The following KCNMA1 variants were observed in gnomAD, a reference collection of about 807,000 sequenced individuals.
KCNMA1 encodes the protein Calcium-activated potassium channel subunit alpha-1.
A neutral mutation model predicts 140.0 loss-of-function variants in KCNMA1; 29 were observed. The observed-to-expected ratio is 0.21, with a 90% CI of 0.15 to 0.28. The LOEUF is 0.28. Among genes scored for constraint, KCNMA1 ranks in the 10% least tolerant of loss-of-function variants. The pLI is 1.00. For synonymous variants in KCNMA1, 612 were observed against 611.9 expected, an observed-to-expected ratio of 1.00 and a Z score of 0.00; for missense variants, 880 against 1,602.2, an observed-to-expected ratio of 0.55 and a Z score of 7.70.
chr10:76,951,420 G>T (rs997537949), intron 21 of KCNMA1, among the ~76,000 whole-genome samples: 1 of 152,166 alleles, frequency 6.6e-6, no homozygotes, highest in Non-Finnish European at 1.5e-5. Context: ...GACGGGACTT[G>T]CCTGGTCACT....
At chr10:77,262,967 A>C (rs1467995861) in intron 2 of KCNMA1, among the ~76,000 whole-genome samples, 2 of 152,228 alleles carry the variant, frequency 1.3e-5, no homozygotes, top group Non-Finnish European at 2.9e-5. Context: ...TACCCTTACA[A>C]ATGGCTGAAA....
intron 2 of KCNMA1, among the ~76,000 whole-genome samples, chr10:77,338,539 A>T (rs762936944): frequency 3.3e-5 from 5 of 151,870 alleles, no homozygotes; most frequent in Non-Finnish European, 7.4e-5. Flanking sequence ...TCCCCTTCTC[A>T]TCTCTGCATC....
At chr10:77,158,398 G>C (rs1268346369) in intron 5 of KCNMA1, among the ~76,000 whole-genome samples, 1 of 152,182 alleles carries the variant, frequency 6.6e-6, no homozygotes, top group Non-Finnish European at 1.5e-5. Context: ...TGTTGCTCAA[G>C]GTCAAGCAGA....
At chr10:77,432,149 A>G (rs2097168677) in intron 1 of KCNMA1, among the ~76,000 whole-genome samples, 1 of 152,110 alleles carries the variant, frequency 6.6e-6, no homozygotes, top group Non-Finnish European at 1.5e-5. Flanking sequence ...CCTTCTGAGC[A>G]CCTTCGGGTT....
intron 3 of KCNMA1, among the ~76,000 whole-genome samples, chr10:77,213,162 A>G (rs2046638430): frequency 6.6e-6 from 1 of 152,230 alleles, no homozygotes; most frequent in African/African-American, 2.4e-5. Context: ...TATGACGTGT[A>G]ATGATACAAT....
intron 1 of KCNMA1, chr10:77,587,181 T>A (rs562412600): frequency 3.9e-5 from 6 of 152,216 alleles, no homozygotes; most frequent in South Asian, 2.1e-4. Context: ...CAGTTTGAAC[T>A]TATTCTTCCT....
chr10:77,080,221 T>G (rs969699726), intron 12 of KCNMA1, among the ~76,000 whole-genome samples: 1 of 152,194 alleles, frequency 6.6e-6, no homozygotes, highest in Non-Finnish European at 1.5e-5. Flanking sequence ...TCCCTAGAAA[T>G]TTTTGCATAA....
chr10:77,103,309 G>A (rs2097137379), intron 9 of KCNMA1, among the ~76,000 whole-genome samples: 1 of 152,206 alleles, frequency 6.6e-6, no homozygotes, highest in Non-Finnish European at 1.5e-5. Flanking sequence ...ACTCCCTCCA[G>A]CGGGATACAG....
intron 25 of KCNMA1, chr10:76,903,978 GAGAA>G (rs1181822999): frequency 1.3e-5 from 2 of 152,184 alleles, no homozygotes; most frequent in African/African-American, 2.4e-5. Flanking sequence ...TCATGAAAGA[GAGAA>G]AGAGAGAGGA....
intron 1 of KCNMA1, among the ~76,000 whole-genome samples, chr10:77,578,936 G>T (rs2075062476): frequency 6.6e-6 from 1 of 152,242 alleles, no homozygotes; most frequent in South Asian, 2.1e-4. Context: ...CAGGCACTGG[G>T]TCTGCTGACT....
At chr10:77,603,490 C>A (rs1310765703) in intron 1 of KCNMA1, among the ~76,000 whole-genome samples, 1 of 152,172 alleles carries the variant, frequency 6.6e-6, no homozygotes, top group South Asian at 2.1e-4. Flanking sequence ...TTCAGGAGAA[C>A]AGGGTCTGAG....
chr10:77,362,396 G>T (rs1603413908), intron 2 of KCNMA1, among the ~76,000 whole-genome samples: 1 of 125,844 alleles, frequency 7.9e-6, no homozygotes, highest in East Asian at 2.5e-4. Flanking sequence ...GCTGGGATAG[G>T]CTGTGAGACA....
At chr10:77,487,466 AAGAG>A (rs371857297) in intron 1 of KCNMA1, among the ~76,000 whole-genome samples, 2 of 152,016 alleles carry the variant, frequency 1.3e-5, no homozygotes, top group Non-Finnish European at 2.9e-5. Flanking sequence ...TGCAATACAA[AAGAG>A]AGAGAGAGAC....
chr10:77,585,149 G>C (rs2076913094), intron 1 of KCNMA1, among the ~76,000 whole-genome samples: 1 of 152,198 alleles, frequency 6.6e-6, no homozygotes, highest in Admixed American at 6.5e-5. Context: ...GGAGTACCAA[G>C]AGGACGAAAA....
intron 1 of KCNMA1, among the ~76,000 whole-genome samples, chr10:77,603,999 G>A (rs542820845): frequency 2.4e-4 from 37 of 152,362 alleles, no homozygotes; most frequent in Non-Finnish European, 4.8e-4. Flanking sequence ...ACATAAAGGT[G>A]TGTGATAAAG....
chr10:76,965,242 C>T (rs907635534), intron 20 of KCNMA1, among the ~76,000 whole-genome samples: 3 of 152,148 alleles, frequency 2.0e-5, no homozygotes, highest in Non-Finnish European at 4.4e-5. Flanking sequence ...TAGAGGAAAA[C>T]TCTAGGTCTC....
rs2036656335 is a variant in KCNMA1, at chr10:76,885,849, A to C, written c.*1417T>G. 1.0e-6 allele frequency: 1 copy of C among 985,090 alleles called. No homozygotes were observed. The highest frequency in any genetic ancestry group is 1.2e-6 in the Non-Finnish European group (1 of 829,736). The allele number at this position is 985,090 out of a possible 1,614,324, so 61.0% of individuals were successfully genotyped here. A position where few individuals can be genotyped will look rare whatever the true frequency, so the allele number is the denominator to read the frequency against. ...TTACTAAGTGTTAAAAAAGAAAGAA[A>C]ACAAAAGAAGAAAAAAATAACTATA... On this transcript the variant is annotated 3_prime_UTR_variant, in exon 28 of 28. Transcript: ENST00000286628.
intron 14 of KCNMA1, among the ~76,000 whole-genome samples, chr10:77,040,048 A>AT (rs35787824): frequency 0.18 from 26,059 of 143,434 alleles, 2,699 homozygotes; most frequent in Middle Eastern, 0.26. Flanking sequence ...ACACCTGGCA[A>AT]TTTTTTTTTT....
intron 2 of KCNMA1, among the ~76,000 whole-genome samples, chr10:77,380,620 G>A (rs1182441221): frequency 1.3e-5 from 2 of 152,174 alleles, no homozygotes; most frequent in South Asian, 2.1e-4. Context: ...ACTCATAAAC[G>A]CTTACTCCCT....
Sources: gnomAD v4.1 joint callset for allele counts (sites outside exome capture counted in the v4.1 genomes callset) on GRCh38, gnomAD v4.1.1 for gene constraint, MANE v1.5 for transcripts, NCBI Gene and HGNC (gene_info 2026-07-23, HGNC 2026-07-21) for gene names.